The following SNX24 variants were observed in gnomAD, a reference collection of about 807,000 sequenced individuals.
SNX24 encodes sorting nexin 24.
SNX24 carries 22 observed loss-of-function variants against 28.7 expected under a neutral mutation model. The ratio of observed to expected loss-of-function variants is 0.77; its 90% CI spans 0.55 to 1.10. The LOEUF (loss-of-function observed/expected upper bound fraction) is 1.10. Ranked by LOEUF, SNX24 falls within the 50% of genes least tolerant of loss-of-function variation. The pLI is 0.00. For missense variants in SNX24, 221 were observed against 201.1 expected (o/e 1.10, Z -0.60); for synonymous variants, 69 against 71.5 (o/e 0.96, Z 0.18).
intron 6 of SNX24, among the ~76,000 whole-genome samples, chr5:123,007,215 CT>C (rs1762449385): frequency 6.6e-6 from 1 of 152,186 alleles, no homozygotes; most frequent in Admixed American, 6.5e-5. Flanking sequence ...TCTTTCGAAG[CT>C]AGTCTAATGG....
chr5:123,025,323 C>T (rs1762835937), intron 5 of SNX24, among the ~76,000 whole-genome samples: 1 of 152,122 alleles, frequency 6.6e-6, no homozygotes, highest in African/African-American at 2.4e-5. Context: ...CATCCCCAGC[C>T]CCTGGCAACT....
intron 1 of SNX24, among the ~76,000 whole-genome samples, chr5:122,856,872 A>T (rs1378926479): frequency 6.6e-6 from 1 of 152,132 alleles, no homozygotes; most frequent in Admixed American, 6.5e-5. Flanking sequence ...CCGTGACTCC[A>T]AAGTCTTCCA....
chr5:122,910,159 A>G (rs1036030977), intron 1 of SNX24, among the ~76,000 whole-genome samples: 3 of 152,236 alleles, frequency 2.0e-5, no homozygotes, highest in African/African-American at 7.2e-5. Context: ...AATCCAATGG[A>G]ACAAAGTTGC....
At chr5:122,927,932 A>G (rs766744665) in intron 1 of SNX24, among the ~76,000 whole-genome samples, 1 of 152,234 alleles carries the variant, frequency 6.6e-6, no homozygotes, top group Non-Finnish European at 1.5e-5. Flanking sequence ...GTCCGCAGCC[A>G]GTTGATGGTG....
At chr5:122,927,656 G>A (rs430069) in intron 1 of SNX24, among the ~76,000 whole-genome samples, 123,608 of 152,166 alleles carry the variant, frequency 0.81, 51,100 homozygotes, top group East Asian at 0.99. Flanking sequence ...GGCATTTAAA[G>A]TGAAGCAAAA....
chr5:122,911,219 GTGA>G (rs1757873208), intron 1 of SNX24, among the ~76,000 whole-genome samples: 1 of 152,230 alleles, frequency 6.6e-6, no homozygotes, highest in Non-Finnish European at 1.5e-5. Flanking sequence ...CTGATGGCCA[GTGA>G]TGATGAGCAT....
At chr5:122,945,592 G>A (rs1452915386) in intron 2 of SNX24, among the ~76,000 whole-genome samples, 1 of 152,062 alleles carries the variant, frequency 6.6e-6, no homozygotes, top group Non-Finnish European at 1.5e-5. Flanking sequence ...CAAATGATGT[G>A]GTCTAGTTAA....
At chr5:122,997,683 A>G (rs1024414173) in intron 3 of SNX24, among the ~76,000 whole-genome samples, 1 of 152,220 alleles carries the variant, frequency 6.6e-6, no homozygotes, top group African/African-American at 2.4e-5. Context: ...GATGGATGAC[A>G]CGTCTAAAGA....
At chr5:122,907,053 T>G (rs1757673023) in intron 1 of SNX24, among the ~76,000 whole-genome samples, 1 of 152,156 alleles carries the variant, frequency 6.6e-6, no homozygotes, top group Non-Finnish European at 1.5e-5. Context: ...CGTTATTCCC[T>G]TTTCACTTAT....
intron 3 of SNX24, among the ~76,000 whole-genome samples, chr5:122,950,954 G>C (rs1360255154): frequency 2.0e-5 from 3 of 152,100 alleles, no homozygotes; most frequent in African/African-American, 7.2e-5. Context: ...CTCTTTCCTA[G>C]ATAGATAAAG....
intron 1 of SNX24, among the ~76,000 whole-genome samples, chr5:122,891,315 T>C (rs1756957767): frequency 6.6e-6 from 1 of 152,156 alleles, no homozygotes; most frequent in South Asian, 2.1e-4. Flanking sequence ...TAAAGCTAAG[T>C]GTTAAATTAA....
At chr5:122,923,101 C>A (rs1269434254) in intron 1 of SNX24, among the ~76,000 whole-genome samples, 1 of 152,020 alleles carries the variant, frequency 6.6e-6, no homozygotes, top group Admixed American at 6.6e-5. Context: ...GAGGCTAAGG[C>A]AAGCAGATCG....
At chr5:122,906,559 A>T (rs923664961) in intron 1 of SNX24, among the ~76,000 whole-genome samples, 9 of 152,122 alleles carry the variant, frequency 5.9e-5, no homozygotes, top group African/African-American at 2.2e-4. Flanking sequence ...CCCAGGCTAG[A>T]GTGCAGCGGT....
At chr5:122,986,740 A>AT (rs3032152) in intron 3 of SNX24, among the ~76,000 whole-genome samples, 5,600 of 149,526 alleles carry the variant, frequency 0.037, 105 homozygotes, top group Middle Eastern at 0.062. Context: ...CCTCTAAGGG[A>AT]TTTTTTTTTT....
At chr5:122,928,860 G>A (rs1480079905) in intron 1 of SNX24, among the ~76,000 whole-genome samples, 5 of 146,904 alleles carry the variant, frequency 3.4e-5, no homozygotes, top group Admixed American at 1.4e-4. Flanking sequence ...GACCTTGTAT[G>A]GTTTTCTGTT....
chr5:123,001,793 T>A, intron 5 of SNX24, 147 bp from the exon 6 acceptor site: 1 of 687,340 alleles, frequency 1.5e-6, no homozygotes, highest in Non-Finnish European at 2.6e-6. Context: ...TCACTCTTAC[T>A]CTGCGTGCTA....
rs147280280 is a variant in SNX24, at chr5:122,926,265, G to A, written c.61-10469G>A. On this transcript the variant is annotated intron_variant, in intron 1 of 6. Transcript: ENST00000261369. The stretch of plus-strand genomic sequence containing the variant: ...AGGGAACGTGCCTATTATAGTTGCC[G>A]GTGAGGAAGCTGGTGTGGCTGGACC... 9.7e-4 allele frequency among the ~76,000 whole-genome samples: 148 copies of A among 152,294 alleles called. 1 individual carries two copies. The highest frequency in any genetic ancestry group is 3.4e-3 in the African/African-American group (143 of 41,558).
chr5:123,025,920 T>G (rs1381823269), intron 5 of SNX24: 2 of 1,611,464 alleles, frequency 1.2e-6, no homozygotes, highest in African/African-American at 2.7e-5. Flanking sequence ...GCCATAGTGC[T>G]TCAGCTTGAA....
chr5:122,861,186 A>T (rs1755444879), intron 1 of SNX24, among the ~76,000 whole-genome samples: 1 of 152,074 alleles, frequency 6.6e-6, no homozygotes, highest in African/African-American at 2.4e-5. Flanking sequence ...CTAAAAATAC[A>T]AAAACTAGCT....
Sources: gnomAD v4.1 joint callset for allele counts (sites outside exome capture counted in the v4.1 genomes callset) on GRCh38, gnomAD v4.1.1 for gene constraint, MANE v1.5 for transcripts, NCBI Gene and HGNC (gene_info 2026-07-23, HGNC 2026-07-21) for gene names.